TUSC3: variants seen among roughly 807,000 people sequenced by gnomAD.
TUSC3 encodes dolichyl-diphosphooligosaccharide--protein glycosyltransferase subunit TUSC3.
A neutral mutation model predicts 44.8 loss-of-function variants in TUSC3; 45 were observed. The observed-to-expected ratio is 1.00, with a 90% confidence interval of 0.79 to 1.29. TUSC3 has a LOEUF of 1.29. Ranked by LOEUF, TUSC3 falls within the 50% of genes most tolerant of loss-of-function variation. The pLI, the probability that TUSC3 is intolerant of heterozygous loss-of-function variation, is 0.00. For synonymous variants in TUSC3, 212 were observed against 152.9 expected (o/e 1.39, Z -2.85); for missense variants, 519 against 437.9 (o/e 1.19, Z -1.65).
intron 1 of TUSC3, among the ~76,000 whole-genome samples, chr8:15,607,916 G>A (rs997758914): frequency 6.6e-5 from 10 of 152,052 alleles, no homozygotes; most frequent in Admixed American, 2.6e-4. Flanking sequence ...GTTATGGAAC[G>A]TAATGAAGTG....
chr8:15,456,246 A>G (rs570707098), intron 1 of TUSC3, among the ~76,000 whole-genome samples: 1 of 152,296 alleles, frequency 6.6e-6, no homozygotes, highest in East Asian at 1.9e-4. Context: ...CATGTGACTT[A>G]AACCCTTTCT....
the TUSC3 span, among the ~76,000 whole-genome samples, chr8:15,840,379 A>T: frequency 6.6e-6 from 1 of 152,170 alleles, no homozygotes; most frequent in Admixed American, 6.6e-5. Flanking sequence ...AGTATAATTT[A>T]AAAAAATAAA....
chr8:15,736,736 C>G (rs766450124), intron 7 of TUSC3, among the ~76,000 whole-genome samples: 1 of 151,962 alleles, frequency 6.6e-6, no homozygotes, highest in Non-Finnish European at 1.5e-5. Context: ...TTCTATCAAT[C>G]AGTAGTCAGT....
intron 6 of TUSC3, among the ~76,000 whole-genome samples, chr8:15,689,861 T>TAA (rs1563174268): frequency 5.1e-5 from 2 of 39,072 alleles, no homozygotes; most frequent in African/African-American, 7.0e-5. Flanking sequence ...TGTGTGTGTG[T>TAA]GTATAAATAT....
At chr8:15,606,512 A>G (rs1460573714) in intron 1 of TUSC3, among the ~76,000 whole-genome samples, 16 of 152,030 alleles carry the variant, frequency 1.1e-4, no homozygotes, top group Non-Finnish European at 5.9e-5. Flanking sequence ...AATATTTAGC[A>G]TGTATGTAAA....
the TUSC3 span, among the ~76,000 whole-genome samples, chr8:15,774,865 C>T: frequency 6.6e-6 from 1 of 151,982 alleles, no homozygotes; most frequent in African/African-American, 2.4e-5. Context: ...ATGAAGCTCT[C>T]ATACGTTGTG....
At chr8:15,614,550 G>C (rs541112426) in intron 1 of TUSC3, among the ~76,000 whole-genome samples, 1 of 152,220 alleles carries the variant, frequency 6.6e-6, no homozygotes, top group East Asian at 1.9e-4. Flanking sequence ...AAAATGTGTG[G>C]TCTGTTATGT....
intron 1 of TUSC3, among the ~76,000 whole-genome samples, chr8:15,447,741 A>T (rs1208843260): frequency 6.6e-6 from 1 of 150,722 alleles, no homozygotes; most frequent in Non-Finnish European, 1.5e-5. Context: ...AGGGAAGGTT[A>T]CCGCCACCTC....
chr8:15,464,051 C>T (rs4831724), intron 1 of TUSC3, among the ~76,000 whole-genome samples: 1 of 151,998 alleles, frequency 6.6e-6, no homozygotes, highest in Non-Finnish European at 1.5e-5. Flanking sequence ...GTCTATCAAA[C>T]TGTACTCTAA....
intron 1 of TUSC3, among the ~76,000 whole-genome samples, chr8:15,447,752 T>C (rs1329105710): frequency 6.6e-6 from 1 of 151,630 alleles, no homozygotes; most frequent in Non-Finnish European, 1.5e-5. Context: ...CCGCCACCTC[T>C]CTGTAGGAAA....
chr8:15,523,399 G>A (rs1414298369), intron 2 of TUSC3, among the ~76,000 whole-genome samples: 3 of 151,918 alleles, frequency 2.0e-5, no homozygotes, highest in Non-Finnish European at 2.9e-5. Flanking sequence ...AGTATCCTTT[G>A]TGTTTTTACT....
chr8:15,829,032 T>C, the TUSC3 span, among the ~76,000 whole-genome samples: 5 of 152,168 alleles, frequency 3.3e-5, no homozygotes, highest in East Asian at 9.6e-4. Flanking sequence ...ACTCATGCTG[T>C]TTTATCTATT....
intron 2 of TUSC3, among the ~76,000 whole-genome samples, chr8:15,634,989 C>G (rs1469709272): frequency 6.6e-6 from 1 of 152,166 alleles, no homozygotes; most frequent in East Asian, 1.9e-4. Flanking sequence ...TCCTTATTAA[C>G]TAAGACCATG....
intron 2 of TUSC3, among the ~76,000 whole-genome samples, chr8:15,489,259 A>AT (rs1225230629): frequency 2.0e-5 from 3 of 152,116 alleles, no homozygotes; most frequent in African/African-American, 4.8e-5. Context: ...AAATTCAAAG[A>AT]TTTTCTAATT....
At chr8:15,587,939 C>A (rs10109937) in intron 1 of TUSC3, among the ~76,000 whole-genome samples, 1 of 151,746 alleles carries the variant, frequency 6.6e-6, no homozygotes, top group African/African-American at 2.4e-5. Context: ...TATATATATG[C>A]TACATTTTCT....
At position 15,730,472 on chromosome 8, in the gene TUSC3, G is replaced by C. The variant is rs2604311; in HGVS notation, c.799-194G>C. 0.3 allele frequency among the ~76,000 whole-genome samples: 45,977 copies of C among 151,864 alleles called. 7,586 individuals carry two copies. The highest frequency in any genetic ancestry group is 0.41 in the Admixed American group (6,224 of 15,238). On this transcript the variant is annotated intron_variant, in intron 6 of 10. Coordinates refer to ENST00000503731, the MANE Select transcript of TUSC3 (RefSeq NM_006765.4). Reference sequence around the variant, plus strand: ...TAGTTGCCACCTAGAGTTTACAATAGTATCATCAACCAACATTGTCATCTA... The same window carrying C: ...TAGTTGCCACCTAGAGTTTACAATACTATCATCAACCAACATTGTCATCTA...
In TUSC3 at chr8:15,761,638, A is replaced by T. The variant is rs148456655; in HGVS notation, c.*47-2565A>T. ...TACTACTATGGATAACTACAGTGCG[A>T]TTCGTTCATGACTGAGCGTGGAGCA... On this transcript the variant is annotated intron_variant, in intron 10 of 10. Coordinates refer to ENST00000503731, the MANE Select transcript of TUSC3 (RefSeq NM_006765.4). Among the ~76,000 whole-genome samples, 235 of 152,304 alleles carry T rather than the reference A, an allele frequency of 1.5e-3. 1 individual carries two copies. The highest frequency in any genetic ancestry group is 3.3e-3 in the Admixed American group (50 of 15,286).
chr8:15,774,981 A>C, the TUSC3 span, among the ~76,000 whole-genome samples: 1 of 152,172 alleles, frequency 6.6e-6, no homozygotes, highest in African/African-American at 2.4e-5. Context: ...ATATATCCAA[A>C]ATAAGGGAAA....
rs1222146377 is a variant in TUSC3, at chr8:15,764,460, T to G, written c.*304T>G. ...TTATATTCAGTGTGTGCCACAGGAT[T>G]GAAATAAATGACAATGTAATTATGA... is the stretch of plus-strand genomic sequence containing the variant. On this transcript the variant is annotated 3_prime_UTR_variant, in exon 11 of 11. Coordinates refer to ENST00000503731, the MANE Select transcript of TUSC3 (RefSeq NM_006765.4). The G allele has an allele frequency of 1.4e-5, 6 of 432,448 alleles. No individual in the cohort carries two copies. Among genetic ancestry groups the G allele is most frequent in the South Asian group, 2.7e-5 (1 of 37,244 alleles). The allele number at this position is 432,448 out of a possible 1,614,324, so 26.8% of individuals were successfully genotyped here. A position where few individuals can be genotyped will look rare whatever the true frequency, so the allele number is the denominator to read the frequency against.
Sources: gnomAD v4.1 joint callset for allele counts (sites outside exome capture counted in the v4.1 genomes callset) on GRCh38, gnomAD v4.1.1 for gene constraint, MANE v1.5 for transcripts, NCBI Gene and HGNC (gene_info 2026-07-23, HGNC 2026-07-21) for gene names.